KCTD3: variants seen among roughly 807,000 people sequenced by gnomAD.
The protein encoded by KCTD3 is potassium channel tetramerization domain containing 3, also known as BTB/POZ domain-containing protein KCTD3.
A neutral mutation model predicts 85.8 loss-of-function variants in KCTD3; 41 were observed. The ratio of observed to expected loss-of-function variants is 0.48; its 90% CI spans 0.37 to 0.62. KCTD3 has a LOEUF of 0.62. Among genes scored for constraint, KCTD3 ranks in the 20% least tolerant of loss-of-function variants. KCTD3 has a pLI of 0.00. For missense variants in KCTD3, 724 were observed against 989.9 expected, an observed-to-expected ratio of 0.73 and a Z score of 3.60; for synonymous variants, 338 against 345.4, an observed-to-expected ratio of 0.98 and a Z score of 0.24.
intron 1 of KCTD3, among the ~76,000 whole-genome samples, chr1:215,571,572 A>G (rs1203521893): frequency 6.6e-6 from 1 of 152,206 alleles, no homozygotes; most frequent in African/African-American, 2.4e-5. Context: ...TTAGCCAATG[A>G]AAGAATACTT....
chr1:215,614,311 G>A (rs918903443), intron 15 of KCTD3, among the ~76,000 whole-genome samples: 35 of 152,040 alleles, frequency 2.3e-4, no homozygotes, highest in African/African-American at 6.8e-4. Flanking sequence ...GATTACAGGC[G>A]TGAGCCACTG....
At chr1:215,579,177 A>G in intron 7 of KCTD3, 40 bp downstream of exon 7, 1 of 1,553,716 alleles carries the variant, frequency 6.4e-7, no homozygotes, top group South Asian at 1.1e-5. Context: ...AAAAATACGT[A>G]TGTTTTTAGT....
chr1:215,615,505 A>G (rs1571901834), intron 15 of KCTD3, among the ~76,000 whole-genome samples: 1 of 152,002 alleles, frequency 6.6e-6, no homozygotes, highest in Non-Finnish European at 1.5e-5. Flanking sequence ...CTGTAGTCCC[A>G]GCTACTTGGG....
chr1:215,581,251 A>G (rs1342631077), intron 8 of KCTD3: 1 of 152,274 alleles, frequency 6.6e-6, no homozygotes, highest in Non-Finnish European at 1.5e-5. Context: ...GTCTCAATAA[A>G]TAAATAAACA....
At chr1:215,571,081 C>G (rs762508782) in intron 1 of KCTD3, among the ~76,000 whole-genome samples, 2 of 152,136 alleles carry the variant, frequency 1.3e-5, no homozygotes, top group African/African-American at 4.8e-5. Context: ...TGATTTTAAG[C>G]AGACCTTTGT....
intron 13 of KCTD3, 129 bp from the exon 14 acceptor site, chr1:215,607,888 A>T: frequency 3.4e-6 from 2 of 596,526 alleles, no homozygotes; most frequent in Non-Finnish European, 2.6e-6. Flanking sequence ...CAAATCAAGT[A>T]TAGTTTTAAG....
At chr1:215,594,058 G>C (rs149827340) in intron 9 of KCTD3, among the ~76,000 whole-genome samples, 1 of 151,816 alleles carries the variant, frequency 6.6e-6, no homozygotes, top group Non-Finnish European at 1.5e-5. Context: ...TGGGGTTTCA[G>C]TGTGTTGCCC....
rs1386057408 is a variant in KCTD3, at chr1:215,618,953, T to C, written c.1630T>C (p.Ser544Pro). The C allele has an allele frequency of 1.9e-6, 3 of 1,613,730 alleles. No individual in the cohort carries two copies. Among genetic ancestry groups the C allele is most frequent in the African/African-American group, 1.3e-5 (1 of 75,024 alleles). The change falls in exon 16 of 18, where the codon TCC (serine) becomes CCC (proline). Residue 544 changes from serine (S) to proline (P), a missense_variant. Coordinates refer to ENST00000259154, the MANE Select transcript of KCTD3 (RefSeq NM_016121.5). ...SSFTVRECEG[S>P]SRMGSRPRRY... ...ATTTACAGTGAGGGAATGTGAGGGA[T>C]CCAGTAGGATGGGCTCAAGACCAAG...
At chr1:215,584,426 CTT>C (rs1039433328) in intron 8 of KCTD3, among the ~76,000 whole-genome samples, 8 of 152,132 alleles carry the variant, frequency 5.3e-5, no homozygotes, top group African/African-American at 1.9e-4. Flanking sequence ...TTTAAATTGA[CTT>C]TGATAGAACT....
At chr1:215,614,021 T>TG (rs1655333636) in intron 15 of KCTD3, among the ~76,000 whole-genome samples, 1 of 127,606 alleles carries the variant, frequency 7.8e-6, no homozygotes, top group Non-Finnish European at 1.6e-5. Context: ...TAGAATAGTT[T>TG]TTTTTTTTTT....
intron 9 of KCTD3, among the ~76,000 whole-genome samples, chr1:215,589,947 A>G: frequency 6.6e-6 from 1 of 152,180 alleles, no homozygotes; most frequent in East Asian, 1.9e-4. Context: ...CTTAAGGTAA[A>G]TATATAGGAG....
At chr1:215,582,655 G>A (rs929043060) in intron 8 of KCTD3, among the ~76,000 whole-genome samples, 1 of 152,088 alleles carries the variant, frequency 6.6e-6, no homozygotes, top group Non-Finnish European at 1.5e-5. Context: ...CCTGCCTCCT[G>A]GGTTCAAGCA....
intron 14 of KCTD3, among the ~76,000 whole-genome samples, chr1:215,609,250 A>G (rs566967501): frequency 8.6e-5 from 13 of 152,012 alleles, no homozygotes; most frequent in Non-Finnish European, 1.5e-4. Flanking sequence ...TACATGAAGG[A>G]TAGACATTTG....
At position 215,574,133 on chromosome 1, in the gene KCTD3, A is replaced by G; in HGVS notation, c.183+15A>G. On this transcript the variant is annotated intron_variant, in intron 3 of 17. Coordinates refer to ENST00000259154, the MANE Select transcript of KCTD3 (RefSeq NM_016121.5). ...AAACTGGTGCTGTGAGTATAATAATAATTGATACATATTCCTAAATTAATG... is the reference window on the plus strand; with the variant it reads ...AAACTGGTGCTGTGAGTATAATAATGATTGATACATATTCCTAAATTAATG... 4 of 1,517,274 alleles carry G rather than the reference A, an allele frequency of 2.6e-6. No individual in the cohort carries two copies. The highest frequency in any genetic ancestry group is 3.6e-6 in the Non-Finnish European group (4 of 1,103,296). The allele number at this position is 1,517,274 out of a possible 1,614,324, so 94.0% of individuals were successfully genotyped here.
intron 9 of KCTD3, among the ~76,000 whole-genome samples, chr1:215,588,169 C>A (rs181464094): frequency 2.6e-5 from 4 of 152,176 alleles, no homozygotes; most frequent in Admixed American, 2.0e-4. Context: ...TTCTGAATAA[C>A]CATAGTCATC....
intron 1 of KCTD3, among the ~76,000 whole-genome samples, chr1:215,569,618 CAG>C (rs1278164504): frequency 2.3e-5 from 3 of 128,806 alleles, no homozygotes; most frequent in Non-Finnish European, 4.8e-5. Context: ...TTTTTTGAGA[CAG>C]AGTCTCGCTC....
intron 7 of KCTD3, 141 bp from the exon 8 acceptor site, chr1:215,579,768 G>C (rs1285883192): frequency 2.1e-5 from 13 of 610,334 alleles, no homozygotes; most frequent in Non-Finnish European, 3.3e-5. Flanking sequence ...AAAGTGCTGG[G>C]ATTACAGGTG....
At chr1:215,582,891 G>T (rs1659878285) in intron 8 of KCTD3, among the ~76,000 whole-genome samples, 1 of 152,062 alleles carries the variant, frequency 6.6e-6, no homozygotes, top group Non-Finnish European at 1.5e-5. Flanking sequence ...TGTATTACTT[G>T]TATGGAAAGT....
chr1:215,573,015 G>T (rs942088657), intron 1 of KCTD3, among the ~76,000 whole-genome samples: 1 of 152,100 alleles, frequency 6.6e-6, no homozygotes, highest in Non-Finnish European at 1.5e-5. Flanking sequence ...TTATTGGTTT[G>T]TTGTCCCAGT....
Sources: gnomAD v4.1 joint callset for allele counts (sites outside exome capture counted in the v4.1 genomes callset) on GRCh38, gnomAD v4.1.1 for gene constraint, MANE v1.5 for transcripts, NCBI Gene and HGNC (gene_info 2026-07-23, HGNC 2026-07-21) for gene names.